The following DYM variants were observed in gnomAD, a reference collection of about 807,000 sequenced individuals.
The protein encoded by DYM is dymeclin.
DYM carries 78 observed loss-of-function variants against 93.1 expected under a neutral mutation model. That is an observed-to-expected ratio of 0.84 (90% CI 0.70 to 1.01). The LOEUF is 1.01. Ranked by LOEUF, DYM falls within the 50% of genes least tolerant of loss-of-function variation. The probability of loss-of-function intolerance (pLI) is 0.00; values close to 1 mark genes in which losing one functional copy is unlikely to be tolerated. For missense variants in DYM, 789 were observed against 845.0 expected, an observed-to-expected ratio of 0.93 and a Z score of 0.82; for synonymous variants, 321 against 319.7, an observed-to-expected ratio of 1.00 and a Z score of -0.04.
chr18:49,362,167 A>G (rs889146403), intron 6 of DYM, among the ~76,000 whole-genome samples: 8 of 151,940 alleles, frequency 5.3e-5, no homozygotes, highest in African/African-American at 1.4e-4. Context: ...CACCTGGCCA[A>G]TACTTTTTTT....
In DYM at chr18:49,440,824, A is replaced by AATATATTTATATAAATACATATTTT. The variant is rs2081303269; in HGVS notation, c.-53-10378_-53-10377insAAAATATGTATTTATATAAATATAT. Among the ~76,000 whole-genome samples, 2 of 15,710 alleles carry AATATATTTATATAAATACATATTTT rather than the reference A, an allele frequency of 1.3e-4. 1 individual carries two copies. Among genetic ancestry groups the AATATATTTATATAAATACATATTTT allele is most frequent in the Non-Finnish European group, 2.3e-4 (2 of 8,754 alleles). 10.3% of individuals were successfully genotyped at this position (15,710 alleles called of 152,430 possible). On this transcript the variant is annotated intron_variant, in intron 1 of 17. Coordinates refer to ENST00000675505, the MANE Select transcript of DYM (RefSeq NM_001353214.3). Reference sequence around the variant, plus strand: ...ATGACTATATATTATATATTTATATAATATATTTATATAAATACATTATAT... The same window carrying AATATATTTATATAAATACATATTTT: ...ATGACTATATATTATATATTTATATAATATATTTATATAAATACATATTTTATATATTTATATAAATACATTATAT...
intron 14 of DYM, among the ~76,000 whole-genome samples, chr18:49,176,384 TTG>T (rs1409245717): frequency 4.6e-5 from 7 of 152,098 alleles, no homozygotes; most frequent in Non-Finnish European, 7.4e-5. Flanking sequence ...CAAATTTCAT[TTG>T]TGTTTTTAAC....
At position 49,233,661 on chromosome 18, in the gene DYM, A is replaced by G. The variant is rs142978359; in HGVS notation, c.1460+23349T>C. ...GGCAGAGGCTGTTGACTGTTCCCCAATGATCCATTTCTCCCTTTCTTCTAC... is the reference window on the plus strand; with the variant it reads ...GGCAGAGGCTGTTGACTGTTCCCCAGTGATCCATTTCTCCCTTTCTTCTAC... On this transcript the variant is annotated intron_variant, in intron 13 of 17. Coordinates refer to ENST00000675505, the MANE Select transcript of DYM (RefSeq NM_001353214.3). 9.5e-3 allele frequency among the ~76,000 whole-genome samples: 1,454 copies of G among 152,306 alleles called. 73 individuals are homozygous for G. Among genetic ancestry groups the G allele is most frequent in the Admixed American group, 0.089 (1,358 of 15,296 alleles).
At chr18:49,449,427 C>T (rs2082348615) in intron 1 of DYM, among the ~76,000 whole-genome samples, 1 of 152,160 alleles carries the variant, frequency 6.6e-6, no homozygotes, top group African/African-American at 2.4e-5. Context: ...TACCTCTTGA[C>T]AACCCTAACT....
intron 13 of DYM, among the ~76,000 whole-genome samples, chr18:49,221,986 TAA>T (rs56665546): frequency 1.1e-4 from 16 of 150,072 alleles, no homozygotes; most frequent in African/African-American, 3.0e-4. Context: ...TGTTATTTTA[TAA>T]AAAAAAAAGA....
At chr18:49,341,233 G>A (rs2064094679) in intron 6 of DYM, among the ~76,000 whole-genome samples, 1 of 152,208 alleles carries the variant, frequency 6.6e-6, no homozygotes, top group Non-Finnish European at 1.5e-5. Context: ...GCTCATGCCT[G>A]TAATCCCAGC....
At chr18:49,117,106 T>C (rs1201614935) in intron 16 of DYM, among the ~76,000 whole-genome samples, 1 of 152,180 alleles carries the variant, frequency 6.6e-6, no homozygotes, top group East Asian at 1.9e-4. Context: ...TTGTGTGAAA[T>C]GGTGTTTCTG....
intron 5 of DYM, among the ~76,000 whole-genome samples, chr18:49,371,742 C>A (rs2067062171): frequency 6.6e-6 from 1 of 152,162 alleles, no homozygotes; most frequent in Non-Finnish European, 1.5e-5. Flanking sequence ...CTGGCTTTGT[C>A]CCCTTTGACT....
Position 49,378,567 on chromosome 18 carries a change from T to C in DYM, c.421A>G (p.Ser141Gly), listed in dbSNP as rs61729806. Residue 141 changes from serine (S) to glycine (G), a missense_variant and splice_region_variant, in exon 5 of 18, where the codon AGT becomes GGT. Transcript: ENST00000675505. ...TYEEKSPGNY[S>G]SDSEDLLEEL... is the part of the protein sequence containing the mutation. ...GAACATCTTTAAAAACAATACTTAC[T>C]GTAATTGCCAGGAGATTTTTCTTCA... The C allele has an allele frequency of 2.3e-3, 3,662 of 1,608,516 alleles. 57 individuals carry two copies. In the African/African-American group the frequency reaches 0.04, roughly 17 times the overall value.
At chr18:49,148,792 G>A (rs1374592404) in intron 15 of DYM, among the ~76,000 whole-genome samples, 1 of 152,124 alleles carries the variant, frequency 6.6e-6, no homozygotes. Context: ...AGGGGTCTGT[G>A]AGGCTCCTGC....
At chr18:49,325,793 T>C (rs776327319) in intron 8 of DYM, among the ~76,000 whole-genome samples, 12 of 152,220 alleles carry the variant, frequency 7.9e-5, no homozygotes, top group Non-Finnish European at 1.5e-4. Flanking sequence ...TTATTCCATG[T>C]TAGAGTACTG....
At chr18:49,253,139 T>C (rs1231194023) in intron 13 of DYM, among the ~76,000 whole-genome samples, 2 of 152,232 alleles carry the variant, frequency 1.3e-5, no homozygotes, top group African/African-American at 4.8e-5. Flanking sequence ...TTTTGCATTT[T>C]GTTGAAGATC....
intron 6 of DYM, among the ~76,000 whole-genome samples, chr18:49,353,565 T>C (rs944267022): frequency 6.6e-6 from 1 of 151,952 alleles, no homozygotes; most frequent in Non-Finnish European, 1.5e-5. Flanking sequence ...CTAAAAATGA[T>C]AATTTAAATA....
At chr18:49,428,913 C>A (rs2097056) in intron 2 of DYM, among the ~76,000 whole-genome samples, 31,382 of 152,052 alleles carry the variant, frequency 0.21, 3,329 homozygotes, top group East Asian at 0.27. Flanking sequence ...ATTGCTACTA[C>A]AAAAGTTATC....
Position 49,289,727 on chromosome 18 carries a change from G to GTATATA in DYM, c.764-3117_764-3112dup, listed in dbSNP as rs386387632. 5.0e-3 allele frequency among the ~76,000 whole-genome samples: 428 copies of GTATATA among 84,812 alleles called. 5 individuals carry two copies. Among genetic ancestry groups the GTATATA allele is most frequent in the Non-Finnish European group, 6.2e-3 (294 of 47,318 alleles). 55.6% of individuals were successfully genotyped at this position (84,812 alleles called of 152,430 possible). On this transcript the variant is annotated intron_variant, in intron 8 of 17. Transcript: ENST00000675505. ...CCCTATCTCAAATATATATATATGT[G>GTATATA]TATATATATATATATATATATATAT... is the stretch of plus-strand genomic sequence containing the variant.
chr18:49,298,265 A>G (rs1393182847), intron 8 of DYM, among the ~76,000 whole-genome samples: 8 of 152,210 alleles, frequency 5.3e-5, no homozygotes, highest in African/African-American at 1.7e-4. Context: ...AAAACTTTTT[A>G]TCCACCTTTG....
intron 8 of DYM, among the ~76,000 whole-genome samples, chr18:49,326,762 T>C (rs1399051958): frequency 1.3e-5 from 2 of 152,302 alleles, no homozygotes; most frequent in South Asian, 4.1e-4. Flanking sequence ...AATAACGCTA[T>C]ACTCAATAAA....
chr18:49,391,510 T>G, intron 3 of DYM, 83 bp downstream of exon 3: 1 of 1,321,476 alleles, frequency 7.6e-7, no homozygotes, highest in East Asian at 2.3e-5. Flanking sequence ...GAGTAATTAC[T>G]TCATTAATTC....
At chr18:49,080,634 G>A (rs2077855632) in intron 17 of DYM, among the ~76,000 whole-genome samples, 1 of 147,384 alleles carries the variant, frequency 6.8e-6, no homozygotes, top group East Asian at 2.1e-4. Flanking sequence ...TGGCCGGGCG[G>A]GGGGCTGACC....
Sources: allele counts gnomAD v4.1 joint callset (sites outside exome capture counted in the v4.1 genomes callset), GRCh38; gene constraint gnomAD v4.1.1; transcripts MANE v1.5; gene names NCBI Gene and HGNC (gene_info 2026-07-23, HGNC 2026-07-21).